SEMA5B: variants seen among roughly 807,000 people sequenced by gnomAD.
The protein encoded by SEMA5B is semaphorin 5B, also known as semaphorin-5B.
A neutral mutation model predicts 135.0 loss-of-function variants in SEMA5B; 66 were observed. That is an observed-to-expected ratio of 0.49 (90% confidence interval 0.40 to 0.60). The LOEUF is 0.60. Among genes scored for constraint, SEMA5B ranks in the 20% least tolerant of loss-of-function variants. The pLI, the probability that SEMA5B is intolerant of heterozygous loss-of-function variation, is 0.00. For synonymous variants in SEMA5B, 690 were observed against 639.5 expected (o/e 1.08, Z -1.19); for missense variants, 1,501 against 1,566.3 (o/e 0.96, Z 0.70).
intron 1 of SEMA5B, among the ~76,000 whole-genome samples, chr3:123,012,166 G>A (rs1340467208): frequency 6.6e-6 from 1 of 152,156 alleles, no homozygotes; most frequent in Non-Finnish European, 1.5e-5. Flanking sequence ...GTAAACCGGG[G>A]CTCATCGCTC....
At chr3:122,968,322 T>C (rs1299683499) in intron 1 of SEMA5B, among the ~76,000 whole-genome samples, 1 of 152,240 alleles carries the variant, frequency 6.6e-6, no homozygotes, top group Non-Finnish European at 1.5e-5. Context: ...TATTCTCCTC[T>C]GGACCATTTA....
intron 1 of SEMA5B, among the ~76,000 whole-genome samples, chr3:123,006,956 C>T (rs115989798): frequency 0.042 from 6,401 of 152,230 alleles, 162 homozygotes; most frequent in South Asian, 0.073. Flanking sequence ...CTTTGCATCC[C>T]CGGTCTAAAC....
At chr3:122,969,390 C>T (rs1941016568) in intron 1 of SEMA5B, among the ~76,000 whole-genome samples, 1 of 152,186 alleles carries the variant, frequency 6.6e-6, no homozygotes, top group East Asian at 1.9e-4. Flanking sequence ...CCACCCAGGT[C>T]TCCTCCTGAT....
intron 1 of SEMA5B, among the ~76,000 whole-genome samples, chr3:122,980,365 C>T (rs543505365): frequency 1.7e-4 from 25 of 150,988 alleles, no homozygotes; most frequent in South Asian, 2.1e-4. Context: ...GAGGCTGAGG[C>T]AGGAGAATTG....
intron 9 of SEMA5B, among the ~76,000 whole-genome samples, chr3:122,925,990 A>ATT (rs1553771660): frequency 3.3e-5 from 5 of 152,214 alleles, no homozygotes; most frequent in Admixed American, 6.5e-5. Context: ...TTACCAGAAG[A>ATT]CTGCTGGTTA....
At chr3:122,970,929 C>T (rs963798044) in intron 1 of SEMA5B, among the ~76,000 whole-genome samples, 2 of 152,210 alleles carry the variant, frequency 1.3e-5, no homozygotes, top group Non-Finnish European at 2.9e-5. Flanking sequence ...CCTTTAGGGA[C>T]CCTTCTAAGT....
At chr3:122,984,689 T>A (rs1278289000) in intron 1 of SEMA5B, among the ~76,000 whole-genome samples, 1 of 152,076 alleles carries the variant, frequency 6.6e-6, no homozygotes, top group East Asian at 1.9e-4. Flanking sequence ...AATATACCCA[T>A]GTAACAAGCA....
intron 1 of SEMA5B, among the ~76,000 whole-genome samples, chr3:122,997,106 G>T (rs1942040480): frequency 6.6e-6 from 1 of 152,144 alleles, no homozygotes; most frequent in East Asian, 1.9e-4. Context: ...ATATCATTTT[G>T]TGTGGCACTA....
chr3:123,009,562 A>C (rs535244602), intron 1 of SEMA5B, among the ~76,000 whole-genome samples: 28 of 152,254 alleles, frequency 1.8e-4, no homozygotes, highest in South Asian at 4.1e-4. Flanking sequence ...AGTGAGAGAA[A>C]AAAAGAGAAA....
At chr3:122,982,420 AC>A (rs1266767569) in intron 1 of SEMA5B, among the ~76,000 whole-genome samples, 2 of 152,222 alleles carry the variant, frequency 1.3e-5, no homozygotes, top group Non-Finnish European at 2.9e-5. Context: ...CCTGAGCCAG[AC>A]ATTATTAGGA....
At chr3:122,920,901 C>T (rs769787383) in intron 12 of SEMA5B, among the ~76,000 whole-genome samples, 5 of 152,238 alleles carry the variant, frequency 3.3e-5, no homozygotes, top group Non-Finnish European at 7.3e-5. Flanking sequence ...TACAAAGTGT[C>T]CTGAACATGG....
chr3:123,017,697 C>T (rs1313351553), intron 1 of SEMA5B, among the ~76,000 whole-genome samples: 1 of 152,154 alleles, frequency 6.6e-6, no homozygotes, highest in East Asian at 1.9e-4. Flanking sequence ...CACTTGAGGT[C>T]AGGAGTTCAA....
At chr3:122,966,431 G>C (rs9838948) in intron 1 of SEMA5B, among the ~76,000 whole-genome samples, 46,426 of 152,026 alleles carry the variant, frequency 0.31, 7,619 homozygotes, top group African/African-American at 0.44. Context: ...TATCAGACAT[G>C]GACTACATTG....
intron 1 of SEMA5B, among the ~76,000 whole-genome samples, chr3:123,000,859 A>C (rs1942153000): frequency 6.6e-6 from 1 of 152,206 alleles, no homozygotes; most frequent in Admixed American, 6.5e-5. Flanking sequence ...AAACAGCCCC[A>C]TACTTTCAGA....
intron 2 of SEMA5B, among the ~76,000 whole-genome samples, chr3:122,959,206 C>T (rs1003855350): frequency 4.6e-5 from 7 of 152,142 alleles, no homozygotes; most frequent in Non-Finnish European, 1.0e-4. Context: ...TATATTATGC[C>T]GTTTAATCCA....
intron 1 of SEMA5B, chr3:122,975,986 A>G: frequency 6.5e-7 from 1 of 1,534,466 alleles, no homozygotes; most frequent in Non-Finnish European, 8.7e-7. Context: ...TCTTCATGTC[A>G]TGCACTTGCC....
At chr3:123,014,151 C>T (rs1444521296) in intron 1 of SEMA5B, among the ~76,000 whole-genome samples, 2 of 152,176 alleles carry the variant, frequency 1.3e-5, no homozygotes, top group Non-Finnish European at 2.9e-5. Flanking sequence ...TCCTGGCAAG[C>T]ACTAGGGCGG....
intron 1 of SEMA5B, among the ~76,000 whole-genome samples, chr3:123,019,401 G>C (rs1576412913): frequency 6.6e-6 from 1 of 152,130 alleles, no homozygotes; most frequent in East Asian, 1.9e-4. Flanking sequence ...TCTGAGACAA[G>C]CCTGGGTAGA....
At chr3:122,919,938 G>T (rs1223968115) in intron 12 of SEMA5B, among the ~76,000 whole-genome samples, 2 of 152,148 alleles carry the variant, frequency 1.3e-5, no homozygotes, top group East Asian at 3.8e-4. Context: ...TGCAGAATGT[G>T]AGCGCAGGCC....
Sources: allele counts gnomAD v4.1 joint callset (sites outside exome capture counted in the v4.1 genomes callset), GRCh38; gene constraint gnomAD v4.1.1; transcripts MANE v1.5; gene names NCBI Gene and HGNC (gene_info 2026-07-23, HGNC 2026-07-21).